The following NCEH1 variants were observed in gnomAD, a reference collection of about 807,000 sequenced individuals.
NCEH1 encodes 2-acetyl MAGE hydrolase.
In NCEH1, 9 loss-of-function variants were observed where a neutral mutation model predicts 25.4. The observed-to-expected ratio is 0.35, with a 90% CI of 0.21 to 0.62. The LOEUF (loss-of-function observed/expected upper bound fraction) is 0.62, where lower values mean the gene tolerates loss of function less well. Among genes scored for constraint, NCEH1 ranks in the 20% least tolerant of loss-of-function variants. The pLI is 0.72. For synonymous variants in NCEH1, 200 were observed against 199.8 expected, an observed-to-expected ratio of 1.00 and a Z score of -0.01; for missense variants, 412 against 501.1, an observed-to-expected ratio of 0.82 and a Z score of 1.70.
chr3:172,701,187 ACT>A (rs1488944793), intron 1 of NCEH1, among the ~76,000 whole-genome samples: 2 of 152,142 alleles, frequency 1.3e-5, no homozygotes, highest in African/African-American at 4.8e-5. Context: ...CCATCCTTGG[ACT>A]AGTCCACTGA....
At chr3:172,645,201 T>G (rs1717060016) in intron 3 of NCEH1, among the ~76,000 whole-genome samples, 1 of 152,144 alleles carries the variant, frequency 6.6e-6, no homozygotes. Flanking sequence ...ACCATTAAAA[T>G]TTGTTGAACA....
chr3:172,700,558 C>T (rs1306280873), intron 1 of NCEH1, among the ~76,000 whole-genome samples: 1 of 152,114 alleles, frequency 6.6e-6, no homozygotes, highest in African/African-American at 2.4e-5. Context: ...CTCTGTCACC[C>T]AGGCTAGAGT....
chr3:172,635,818 C>A lies in NCEH1; in HGVS notation c.609+98G>T. The stretch of plus-strand genomic sequence containing the variant: ...TTGGCCATCTAGTGACCGGCCCACC[C>A]AGCTATGCATTTGCCACACATAATG... On this transcript the variant is annotated intron_variant, in intron 4 of 4. Transcript: ENST00000475381. 6 of 1,148,902 alleles carry A rather than the reference C, an allele frequency of 5.2e-6. No homozygotes were observed. In the South Asian group the frequency reaches 6.2e-5, roughly 12 times the overall value. The allele number at this position is 1,148,902 out of a possible 1,614,324, so 71.2% of individuals were successfully genotyped here.
chr3:172,652,799 G>A (rs769325038), intron 1 of NCEH1, among the ~76,000 whole-genome samples: 3 of 151,916 alleles, frequency 2.0e-5, no homozygotes, highest in African/African-American at 4.8e-5. Flanking sequence ...TGGTTGAAGC[G>A]ATTCTCCTGC....
Position 172,664,335 on chromosome 3 carries a change from G to T in NCEH1, c.139-16221C>A, listed in dbSNP as rs185346831. 1.5e-3 allele frequency among the ~76,000 whole-genome samples: 232 copies of T among 152,286 alleles called. 1 individual carries two copies. Among genetic ancestry groups the T allele is most frequent in the African/African-American group, 5.4e-3 (225 of 41,554 alleles). ...AGTTTCTGCAGAGAGATCCACTATT[G>T]GTCGGATGGGCTTCCCTTTGTACGT... On this transcript the variant is annotated intron_variant, in intron 1 of 4. Transcript: ENST00000475381.
chr3:172,705,016 T>A (rs926868275), intron 1 of NCEH1, among the ~76,000 whole-genome samples: 1 of 152,274 alleles, frequency 6.6e-6, no homozygotes, highest in Non-Finnish European at 1.5e-5. Flanking sequence ...ATGATAGCTA[T>A]ATCAGGGGAT....
At chr3:172,667,495 G>A (rs956224749) in intron 1 of NCEH1, among the ~76,000 whole-genome samples, 6 of 152,164 alleles carry the variant, frequency 3.9e-5, no homozygotes, top group African/African-American at 1.2e-4. Flanking sequence ...CTAAGGTTGC[G>A]CAGTAAAGCA....
At chr3:172,695,207 A>G (rs1054611957) in intron 1 of NCEH1, among the ~76,000 whole-genome samples, 2 of 152,222 alleles carry the variant, frequency 1.3e-5, no homozygotes, top group African/African-American at 4.8e-5. Flanking sequence ...GTTGAGGAAA[A>G]TATCAACCCT....
At chr3:172,710,814 G>C (rs752361047) in intron 1 of NCEH1, 33 bp downstream of exon 1, 10 of 1,611,210 alleles carry the variant, frequency 6.2e-6, no homozygotes, top group Non-Finnish European at 7.6e-6. Context: ...CGTAAGAGGA[G>C]GAAGAGAGAA....
intron 1 of NCEH1, among the ~76,000 whole-genome samples, chr3:172,673,808 T>G (rs1415223484): frequency 6.6e-6 from 1 of 152,184 alleles, no homozygotes; most frequent in Non-Finnish European, 1.5e-5. Flanking sequence ...TCAGTATTCC[T>G]CTGCAGAAAC....
chr3:172,654,377 A>G (rs1445663678), intron 1 of NCEH1, among the ~76,000 whole-genome samples: 1 of 152,222 alleles, frequency 6.6e-6, no homozygotes, highest in Non-Finnish European at 1.5e-5. Flanking sequence ...GTCACATAAG[A>G]AGCCCTTTAT....
At chr3:172,700,328 T>G (rs1292684210) in intron 1 of NCEH1, among the ~76,000 whole-genome samples, 3 of 151,760 alleles carry the variant, frequency 2.0e-5, no homozygotes, top group African/African-American at 7.3e-5. Context: ...ACACAAAAAA[T>G]AAGAAGAAGC....
At chr3:172,666,955 G>A (rs1363832167) in intron 1 of NCEH1, among the ~76,000 whole-genome samples, 1 of 152,196 alleles carries the variant, frequency 6.6e-6, no homozygotes, top group East Asian at 1.9e-4. Context: ...CCAACAGTGA[G>A]ATTACCGGCT....
intron 1 of NCEH1, among the ~76,000 whole-genome samples, chr3:172,659,981 ATTTC>A (rs200658594): frequency 0.013 from 1,880 of 150,198 alleles, 41 homozygotes; most frequent in East Asian, 0.091. Flanking sequence ...CCCCTGAAGC[ATTTC>A]TTTTTTTTTT....
At chr3:172,657,327 TA>T (rs1363000823) in intron 1 of NCEH1, among the ~76,000 whole-genome samples, 1 of 152,208 alleles carries the variant, frequency 6.6e-6, no homozygotes, top group Non-Finnish European at 1.5e-5. Flanking sequence ...TCAAAATTAA[TA>T]TGGCCTACTC....
intron 3 of NCEH1, among the ~76,000 whole-genome samples, chr3:172,640,280 T>C (rs1171888581): frequency 3.3e-5 from 5 of 152,366 alleles, no homozygotes; most frequent in East Asian, 1.9e-4. Context: ...TAGATTCATT[T>C]TGGGAACATA....
In NCEH1 at chr3:172,633,373, A is replaced by G. The variant is rs113894836; in HGVS notation, c.*102T>C. 18 of 1,080,590 alleles carry G rather than the reference A, an allele frequency of 1.7e-5. No homozygotes were observed. In the African/African-American group the frequency reaches 2.7e-4, roughly 16 times the overall value. The allele number at this position is 1,080,590 out of a possible 1,614,324, so 66.9% of individuals were successfully genotyped here. Reference sequence around the variant, plus strand: ...TAGAAATTCCATAACTCGCAAGTAGAGGGGAATGGGAGGAAGAATTAGTCA... The same window carrying G: ...TAGAAATTCCATAACTCGCAAGTAGGGGGGAATGGGAGGAAGAATTAGTCA... On this transcript the variant is annotated 3_prime_UTR_variant, in exon 5 of 5. Coordinates refer to ENST00000475381, the MANE Select transcript of NCEH1 (RefSeq NM_020792.6).
intron 1 of NCEH1, among the ~76,000 whole-genome samples, chr3:172,705,144 GA>G (rs1360803850): frequency 2.0e-5 from 3 of 152,212 alleles, no homozygotes; most frequent in African/African-American, 7.2e-5. Context: ...TCCCTGGGGG[GA>G]AAAGTTACTT....
intron 1 of NCEH1, among the ~76,000 whole-genome samples, chr3:172,648,446 T>C (rs946296607): frequency 1.3e-5 from 2 of 152,154 alleles, no homozygotes; most frequent in African/African-American, 4.8e-5. Flanking sequence ...TACCTTTTTT[T>C]TCTAAATAAG....
Sources: allele counts gnomAD v4.1 joint callset (sites outside exome capture counted in the v4.1 genomes callset), GRCh38; gene constraint gnomAD v4.1.1; transcripts MANE v1.5; gene names NCBI Gene and HGNC (gene_info 2026-07-23, HGNC 2026-07-21).